Variants in STRN observed in about 807,000 individuals in gnomAD.
STRN encodes protein phosphatase 2 regulatory subunit B'''alpha.
In STRN, 53 loss-of-function variants were observed where a neutral mutation model predicts 96.3. The ratio of observed to expected loss-of-function variants is 0.55; its 90% confidence interval spans 0.44 to 0.69. The LOEUF (loss-of-function observed/expected upper bound fraction) is 0.69, where lower values mean the gene tolerates loss of function less well. Among genes scored for constraint, STRN ranks in the 30% least tolerant of loss-of-function variants. The pLI is 0.00. For synonymous variants in STRN, 428 were observed against 355.9 expected (o/e 1.20, Z -2.28); for missense variants, 987 against 963.9 (o/e 1.02, Z -0.32).
chr2:36,856,003 C>G (rs1209267209), intron 14 of STRN, among the ~76,000 whole-genome samples: 5 of 152,062 alleles, frequency 3.3e-5, no homozygotes, highest in African/African-American at 1.2e-4. Flanking sequence ...AGCAAGGTAA[C>G]AGTTCAAAAA....
At chr2:36,961,438 T>G (rs970170810) in intron 1 of STRN, among the ~76,000 whole-genome samples, 3 of 152,110 alleles carry the variant, frequency 2.0e-5, no homozygotes, top group Non-Finnish European at 4.4e-5. Flanking sequence ...CTCTAAAAAC[T>G]GTTAAGTCAT....
chr2:36,861,224 C>T lies in STRN; in HGVS notation c.1577G>A (p.Ser526Asn). The T allele has an allele frequency of 1.2e-6, 2 of 1,614,004 alleles. No homozygotes were observed. The highest frequency in any genetic ancestry group is 1.7e-6 in the Non-Finnish European group (2 of 1,179,958). Residue 526 changes from serine to asparagine, a missense_variant, in exon 13 of 18, where the codon AGC (serine) becomes AAC (asparagine). Coordinates refer to ENST00000263918, the MANE Select transcript of STRN (RefSeq NM_003162.4). The part of the protein sequence containing the change: ...KGPVLCVVMS[S>N]NGEQCYSGGT... ...ACCACTGTAACACTGCTCACCATTG[C>T]TGCTCATTACCACACAAAGCACTGG...
rs1406974274 is a variant in STRN, at chr2:36,850,926, C to T, written c.2086+74G>A. The T allele has an allele frequency of 7.2e-6, 9 of 1,248,188 alleles. No homozygotes were observed. The South Asian group carries it at 1.1e-4, about 16-fold the overall frequency. The allele number at this position is 1,248,188 out of a possible 1,614,324, so 77.3% of individuals were successfully genotyped here. A position where few individuals can be genotyped will look rare whatever the true frequency, so the allele number is the denominator to read the frequency against. On this transcript the variant is annotated intron_variant, in intron 16 of 17. Coordinates refer to ENST00000263918, the MANE Select transcript of STRN (RefSeq NM_003162.4). ...CTGACTACGAAACCACCAAGAGACA[C>T]CAAAATTAGCCTACTTGTGGTAGGG...
Position 36,850,993 on chromosome 2 carries a change from T to A in STRN, c.2086+7A>T. On this transcript the variant is annotated splice_region_variant and intron_variant, in intron 16 of 17. Transcript: ENST00000263918. ...TTAATAAAAATCAATTCTTAATAAA[T>A]TCTTACCTGTATTGTTATCATAGAA... is the stretch of plus-strand genomic sequence containing the variant. The A allele has an allele frequency of 6.4e-7, 1 of 1,560,356 alleles. No individual in the cohort carries two copies. Among genetic ancestry groups the A allele is most frequent in the Non-Finnish European group, 8.7e-7 (1 of 1,149,578 alleles).
At chr2:36,912,990 A>C (rs1413344289) in intron 3 of STRN, among the ~76,000 whole-genome samples, 6 of 152,204 alleles carry the variant, frequency 3.9e-5, no homozygotes, top group Non-Finnish European at 7.3e-5. Flanking sequence ...ATCAGCATAA[A>C]ATCAAATTTA....
chr2:36,950,643 T>C (rs1572697101), intron 1 of STRN, among the ~76,000 whole-genome samples: 1 of 152,218 alleles, frequency 6.6e-6, no homozygotes, highest in Non-Finnish European at 1.5e-5. Context: ...TTCTCCATGG[T>C]ATCCCCAGTG....
At position 36,902,677 on chromosome 2, in the gene STRN, A is replaced by G. The variant is rs1669718337; in HGVS notation, c.566T>C (p.Phe189Ser). The G allele has an allele frequency of 6.2e-7, 1 of 1,612,080 alleles. No individual in the cohort carries two copies. Reference sequence around the variant, plus strand: ...TTCCCTGTCCGTGACATCACTTGAAAAGCCCAACAAAGCTCGCACTCGTTT... The same window carrying G: ...TTCCCTGTCCGTGACATCACTTGAAGAGCCCAACAAAGCTCGCACTCGTTT... ...KSKRVRALLGFSSDVTDREDD... is the reference protein window; with the variant it reads ...KSKRVRALLGSSSDVTDREDD... The change falls in exon 5 of 18, where the codon TTT becomes TCT. Residue 189 changes from phenylalanine to serine, a missense_variant. Coordinates refer to ENST00000263918, the MANE Select transcript of STRN (RefSeq NM_003162.4).
chr2:36,876,992 C>T (rs1207881560), intron 10 of STRN, among the ~76,000 whole-genome samples: 1 of 152,176 alleles, frequency 6.6e-6, no homozygotes, highest in African/African-American at 2.4e-5. Flanking sequence ...TCGTGATCCA[C>T]CCGCCTTGGC....
chr2:36,909,913 C>T (rs1027260324), intron 3 of STRN, among the ~76,000 whole-genome samples: 5 of 152,180 alleles, frequency 3.3e-5, no homozygotes, highest in Admixed American at 1.3e-4. Context: ...TGGCTCACGC[C>T]TGTAATCCCA....
intron 8 of STRN, among the ~76,000 whole-genome samples, chr2:36,886,358 C>G (rs532168982): frequency 4.4e-4 from 67 of 152,138 alleles, no homozygotes; most frequent in African/African-American, 1.5e-3. Flanking sequence ...GAGGGTCACA[C>G]TAAATGAGTT....
chr2:36,954,356 C>T (rs1274562922), intron 1 of STRN, among the ~76,000 whole-genome samples: 2 of 151,480 alleles, frequency 1.3e-5, no homozygotes, highest in Non-Finnish European at 2.9e-5. Context: ...ACTAAAAATA[C>T]AAAAAATTAA....
At position 36,846,614 on chromosome 2, in the gene STRN, G is replaced by A. The variant is rs967458275; in HGVS notation, c.*2842C>T. The A allele has an allele frequency of 6.6e-6, 1 of 151,226 alleles. No homozygotes were observed. Among genetic ancestry groups the A allele is most frequent in the Non-Finnish European group, 1.5e-5 (1 of 67,828 alleles). 9.4% of individuals were successfully genotyped at this position (151,226 alleles called of 1,614,324 possible). On this transcript the variant is annotated 3_prime_UTR_variant, in exon 18 of 18. Coordinates refer to ENST00000263918, the MANE Select transcript of STRN (RefSeq NM_003162.4). ...CACAAAGTTCATCATCAGTGATGCA[G>A]CTCAATTTCCCCCGTTTTAGTCATA...
intron 9 of STRN, among the ~76,000 whole-genome samples, chr2:36,882,152 A>G (rs1265256464): frequency 2.0e-5 from 3 of 152,182 alleles, no homozygotes; most frequent in Admixed American, 6.5e-5. Context: ...CATCTAAATC[A>G]TATCAGTTTA....
At chr2:36,894,252 T>A (rs750386465) in intron 6 of STRN, among the ~76,000 whole-genome samples, 2 of 152,212 alleles carry the variant, frequency 1.3e-5, no homozygotes, top group Non-Finnish European at 2.9e-5. Flanking sequence ...TTGTTTTAAG[T>A]AAACTAACGG....
chr2:36,838,690 T>C lies in STRN; in HGVS notation c.*10766A>G, dbSNP rs1160948124. On this transcript the variant is annotated 3_prime_UTR_variant, in exon 18 of 18. Transcript: ENST00000263918. Reference sequence around the variant, plus strand: ...ATTTATTTAAAAATTTAAATATACATACTCCTCAATGCAGCAATCCTACTC... The same window carrying C: ...ATTTATTTAAAAATTTAAATATACACACTCCTCAATGCAGCAATCCTACTC... Among the ~76,000 whole-genome samples, 1 of 152,210 alleles carries C rather than the reference T, an allele frequency of 6.6e-6. No homozygotes were observed. The highest frequency in any genetic ancestry group is 1.5e-5 in the Non-Finnish European group (1 of 68,030).
In STRN at chr2:36,902,683, A is replaced by G. The variant is rs1210762679; in HGVS notation, c.560T>C (p.Leu187Ser). The G allele has an allele frequency of 6.2e-7, 1 of 1,611,808 alleles. No homozygotes were observed. The highest frequency in any genetic ancestry group is 1.3e-5 in the African/African-American group (1 of 74,902). The change falls in exon 5 of 18, where the codon TTG becomes TCG. Residue 187 changes from leucine (L) to serine (S), a missense_variant. By Grantham distance (145) the Leu-to-Ser change is moderately radical. Transcript: ENST00000263918. ...DVKSKRVRAL[L>S]GFSSDVTDRE... is the part of the protein sequence containing the mutation. ...GTCCGTGACATCACTTGAAAAGCCC[A>G]ACAAAGCTCGCACTCGTTTAGATTT...
At chr2:36,899,477 T>C in intron 6 of STRN, 46 bp downstream of exon 6, 4 of 1,562,070 alleles carry the variant, frequency 2.6e-6, no homozygotes, top group Non-Finnish European at 3.5e-6. Context: ...ACAGTATGTA[T>C]TATAGTCCCT....
intron 15 of STRN, among the ~76,000 whole-genome samples, chr2:36,851,416 G>A (rs1668219833): frequency 6.6e-6 from 1 of 152,140 alleles, no homozygotes; most frequent in Non-Finnish European, 1.5e-5. Flanking sequence ...CCGGGAGATG[G>A]AAGTTGCAGT....
chr2:36,886,801 A>G lies in STRN; in HGVS notation c.957T>C (p.Pro319=), dbSNP rs746609804. 1 of 1,613,120 alleles carries G rather than the reference A, an allele frequency of 6.2e-7. No homozygotes were observed. The highest frequency in any genetic ancestry group is 8.5e-7 in the Non-Finnish European group (1 of 1,179,588). The change falls in exon 8 of 18, where the codon CCT becomes CCC. Residue 319 remains proline, a synonymous_variant. Coordinates refer to ENST00000263918, the MANE Select transcript of STRN (RefSeq NM_003162.4). ...DWEKEDQCLM[P]EAWNVDQGVI... ...CTCCCTGGTCCACATTCCAGGCTTC[A>G]GGCATGAGACACTGGTCTTCCTTTT...
Sources: allele counts gnomAD v4.1 joint callset (sites outside exome capture counted in the v4.1 genomes callset), GRCh38; gene constraint gnomAD v4.1.1; transcripts MANE v1.5; gene names NCBI Gene and HGNC (gene_info 2026-07-23, HGNC 2026-07-21).